Variants in MBOAT1 observed in about 807,000 individuals in gnomAD.
MBOAT1 encodes the protein membrane-bound glycerophospholipid O-acyltransferase 1.
In MBOAT1, 67 loss-of-function variants were observed where a neutral mutation model predicts 64.4. The observed-to-expected ratio is 1.04, with a 90% CI of 0.85 to 1.27. The LOEUF (loss-of-function observed/expected upper bound fraction) is 1.27, where lower values mean the gene tolerates loss of function less well. Ranked by LOEUF, MBOAT1 falls within the 50% of genes most tolerant of loss-of-function variation. The probability of loss-of-function intolerance (pLI) is 0.00; values close to 1 mark genes in which losing one functional copy is unlikely to be tolerated. For missense variants in MBOAT1, 563 were observed against 604.6 expected (o/e 0.93, Z 0.72); for synonymous variants, 229 against 218.9 (o/e 1.05, Z -0.41).
rs1020728325 is a variant in MBOAT1, at chr6:20,101,700, A to C, written c.*586T>G. ...GAAGGGCAAAAAGCCAGCAGCCCAG[A>C]ATGGACTGTCTCTGCAGCTCTGGCA... On this transcript the variant is annotated 3_prime_UTR_variant, in exon 13 of 13. Transcript: ENST00000324607. 2.0e-5 allele frequency among the ~76,000 whole-genome samples: 3 copies of C among 152,206 alleles called. No individual in the cohort carries two copies. Among genetic ancestry groups the C allele is most frequent in the Non-Finnish European group, 2.9e-5 (2 of 68,036 alleles).
intron 4 of MBOAT1, among the ~76,000 whole-genome samples, chr6:20,142,213 G>A (rs843323): frequency 0.54 from 81,787 of 151,962 alleles, 25,524 homozygotes; most frequent in Middle Eastern, 0.73. Context: ...TTAAAGAAAA[G>A]AATAGTAAAT....
At chr6:20,207,678 A>G (rs1763303088) in intron 1 of MBOAT1, among the ~76,000 whole-genome samples, 2 of 152,262 alleles carry the variant, frequency 1.3e-5, no homozygotes, top group Non-Finnish European at 2.9e-5. Context: ...TTGACTACAA[A>G]GAGACTTCAA....
intron 6 of MBOAT1, among the ~76,000 whole-genome samples, chr6:20,127,274 G>A (rs562408920): frequency 6.6e-6 from 1 of 152,260 alleles, no homozygotes; most frequent in African/African-American, 2.4e-5. Context: ...GTAGAGAACT[G>A]TTCTGTGTGG....
intron 8 of MBOAT1, 132 bp downstream of exon 8, chr6:20,124,276 G>T: frequency 2.4e-6 from 2 of 819,266 alleles, no homozygotes; most frequent in Non-Finnish European, 3.8e-6. Context: ...CGTTAAAACT[G>T]ACCCTGACTC....
rs116353937 is a variant in MBOAT1, at chr6:20,199,151, G to A, written c.99+12985C>T. On this transcript the variant is annotated intron_variant, in intron 1 of 12. Transcript: ENST00000324607. ...TCCATAAATCTTCCACCATATGGCTGTGCTGGAGTCTCACAGCCTACTCCG... is the reference window on the plus strand; with the variant it reads ...TCCATAAATCTTCCACCATATGGCTATGCTGGAGTCTCACAGCCTACTCCG... Among the ~76,000 whole-genome samples, 1,157 of 152,296 alleles carry A rather than the reference G, an allele frequency of 7.6e-3. 14 individuals carry two copies. The highest frequency in any genetic ancestry group is 0.026 in the African/African-American group (1,078 of 41,550).
chr6:20,152,847 T>C, intron 1 of MBOAT1, 78 bp from the exon 2 acceptor site: 1 of 777,472 alleles, frequency 1.3e-6, no homozygotes, highest in Non-Finnish European at 1.9e-6. Context: ...TTTTGTTTTG[T>C]TTTGAGACGG....
At chr6:20,186,755 G>A (rs1762666491) in intron 1 of MBOAT1, among the ~76,000 whole-genome samples, 1 of 152,212 alleles carries the variant, frequency 6.6e-6, no homozygotes. Flanking sequence ...GAGACAACGT[G>A]TACTTCTGAA....
chr6:20,131,805 C>T (rs1171269927), intron 4 of MBOAT1, among the ~76,000 whole-genome samples: 2 of 152,122 alleles, frequency 1.3e-5, no homozygotes, highest in Non-Finnish European at 2.9e-5. Context: ...CACTCTTGTG[C>T]CATTACTTGG....
intron 5 of MBOAT1, among the ~76,000 whole-genome samples, chr6:20,129,923 T>C (rs1449278621): frequency 6.6e-6 from 1 of 152,226 alleles, no homozygotes; most frequent in African/African-American, 2.4e-5. Flanking sequence ...ACCAGGACAG[T>C]TGTTTACCCT....
At chr6:20,143,821 A>G (rs925228389) in intron 4 of MBOAT1, among the ~76,000 whole-genome samples, 2 of 152,210 alleles carry the variant, frequency 1.3e-5, no homozygotes, top group African/African-American at 4.8e-5. Context: ...AGGGGTTGAC[A>G]AAGTTTTTCT....
chr6:20,131,022 A>C (rs1446432057), intron 5 of MBOAT1, 122 bp downstream of exon 5: 1 of 837,464 alleles, frequency 1.2e-6, no homozygotes, highest in Non-Finnish European at 1.9e-6. Flanking sequence ...GGAAATTTTG[A>C]ACAAGATAAA....
intron 4 of MBOAT1, among the ~76,000 whole-genome samples, chr6:20,143,198 A>C (rs1001804478): frequency 1.3e-5 from 2 of 152,202 alleles, no homozygotes; most frequent in Admixed American, 1.3e-4. Context: ...CATCACCAGG[A>C]ACAGCTCTGC....
intron 12 of MBOAT1, among the ~76,000 whole-genome samples, chr6:20,103,873 G>C (rs1003199672): frequency 6.6e-6 from 1 of 152,198 alleles, no homozygotes; most frequent in African/African-American, 2.4e-5. Flanking sequence ...TACAGACTAA[G>C]TGTATGGTGT....
chr6:20,204,227 CA>C (rs1763197301), intron 1 of MBOAT1, among the ~76,000 whole-genome samples: 1 of 152,196 alleles, frequency 6.6e-6, no homozygotes, highest in Non-Finnish European at 1.5e-5. Flanking sequence ...AGCACTGTCT[CA>C]GGAGAGGCCC....
At chr6:20,182,293 C>T (rs1341261996) in intron 1 of MBOAT1, among the ~76,000 whole-genome samples, 1 of 152,122 alleles carries the variant, frequency 6.6e-6, no homozygotes, top group Non-Finnish European at 1.5e-5. Context: ...TCTACGTGTC[C>T]TTACATAGCA....
At chr6:20,138,756 A>G (rs59599550) in intron 4 of MBOAT1, among the ~76,000 whole-genome samples, 22,807 of 152,130 alleles carry the variant, frequency 0.15, 1,947 homozygotes, top group East Asian at 0.41. Context: ...AAAACAACGC[A>G]CATGAGCTTC....
At chr6:20,138,481 C>A (rs528241772) in intron 4 of MBOAT1, among the ~76,000 whole-genome samples, 1 of 152,314 alleles carries the variant, frequency 6.6e-6, no homozygotes, top group South Asian at 2.1e-4. Flanking sequence ...GATTTCCATG[C>A]TCCTCTTGTG....
rs568498734 is a variant in MBOAT1 at position 20,113,842 on chromosome 6, AAAAAAAT to A, written c.1077-841_1077-835del. 7.3e-5 allele frequency among the ~76,000 whole-genome samples: 11 copies of A among 151,126 alleles called. No homozygotes were observed. The East Asian group carries it at 1.5e-3, about 21-fold the overall frequency. On this transcript the variant is annotated intron_variant, in intron 10 of 12. Coordinates refer to ENST00000324607, the MANE Select transcript of MBOAT1 (RefSeq NM_001080480.3). The stretch of plus-strand genomic sequence containing the variant: ...TAATAAAAAATAAATAAATAATAAT[AAAAAAAT>A]AAAAAATAAAATTGAAATTCAAACA...
At chr6:20,106,365 C>T (rs1023704181) in intron 12 of MBOAT1, among the ~76,000 whole-genome samples, 1 of 152,170 alleles carries the variant, frequency 6.6e-6, no homozygotes, top group Non-Finnish European at 1.5e-5. Flanking sequence ...AAGGGCCACA[C>T]ATGTTGGGTG....
Sources: allele counts gnomAD v4.1 joint callset (sites outside exome capture counted in the v4.1 genomes callset), GRCh38; gene constraint gnomAD v4.1.1; transcripts MANE v1.5; gene names NCBI Gene and HGNC (gene_info 2026-07-23, HGNC 2026-07-21).